Variants in PRKCA observed in about 807,000 individuals in gnomAD.
PRKCA encodes protein kinase C alpha type.
PRKCA carries 27 observed loss-of-function variants against 87.0 expected under a neutral mutation model. The observed-to-expected ratio is 0.31, with a 90% confidence interval of 0.23 to 0.43. The LOEUF is 0.43. PRKCA is among the 20% of genes least tolerant of loss of function. The pLI is 1.00. For missense variants in PRKCA, 518 were observed against 852.3 expected, an observed-to-expected ratio of 0.61 and a Z score of 4.88; for synonymous variants, 329 against 311.1, an observed-to-expected ratio of 1.06 and a Z score of -0.61.
chr17:66,528,631 G>A (rs1967432222), intron 3 of PRKCA, among the ~76,000 whole-genome samples: 1 of 152,148 alleles, frequency 6.6e-6, no homozygotes, highest in African/African-American at 2.4e-5. Context: ...AACTCTGCGA[G>A]CACCTCCATT....
chr17:66,661,615 GA>G lies in PRKCA; in HGVS notation c.529+16111del, dbSNP rs2093880035. Reference sequence around the variant, plus strand: ...GTCTCCAAAAACAGCCAAGGGTAAAGAAAAAAACTTGATTGAGTGACATTTG... The same window carrying G: ...GTCTCCAAAAACAGCCAAGGGTAAAGAAAAAACTTGATTGAGTGACATTTG... On this transcript the variant is annotated intron_variant, in intron 5 of 16. Coordinates refer to ENST00000413366, the MANE Select transcript of PRKCA (RefSeq NM_002737.3). Among the ~76,000 whole-genome samples the G allele has an allele frequency of 3.9e-5, 6 of 152,284 alleles. No homozygotes were observed. The South Asian group carries it at 1.2e-3, about 32-fold the overall frequency.
chr17:66,315,751 A>G (rs1905283593), intron 2 of PRKCA, among the ~76,000 whole-genome samples: 1 of 152,136 alleles, frequency 6.6e-6, no homozygotes, highest in South Asian at 2.1e-4. Flanking sequence ...AAGTGCTGGG[A>G]TTACAGGCAT....
intron 2 of PRKCA, among the ~76,000 whole-genome samples, chr17:66,458,833 G>C (rs1667118010): frequency 6.6e-6 from 1 of 152,058 alleles, no homozygotes; most frequent in Admixed American, 6.6e-5. Context: ...TACACATTTG[G>C]TTACCGACCT....
At chr17:66,628,587 A>G (rs1970923040) in intron 3 of PRKCA, among the ~76,000 whole-genome samples, 1 of 152,166 alleles carries the variant, frequency 6.6e-6, no homozygotes, top group Non-Finnish European at 1.5e-5. Flanking sequence ...CTAATTTTTT[A>G]CAGCAAGTAT....
chr17:66,797,272 A>C (rs73994628), intron 16 of PRKCA, among the ~76,000 whole-genome samples: 6,460 of 152,276 alleles, frequency 0.042, 478 homozygotes, highest in African/African-American at 0.15. Flanking sequence ...GGCACACTGC[A>C]ATCCCAGATT....
At chr17:66,566,471 TGTTTTTTG>T (rs1236919357) in intron 3 of PRKCA, among the ~76,000 whole-genome samples, 24 of 138,600 alleles carry the variant, frequency 1.7e-4, no homozygotes, top group Middle Eastern at 3.5e-3. Context: ...GAACTGTTGT[TGTTTTTTG>T]GTTTTTTTTT....
intron 2 of PRKCA, among the ~76,000 whole-genome samples, chr17:66,486,177 C>T (rs1246057237): frequency 2.6e-5 from 4 of 152,130 alleles, no homozygotes; most frequent in Non-Finnish European, 5.9e-5. Flanking sequence ...CGTGATTTGT[C>T]ATATACTTAT....
rs1398344087 is a variant in PRKCA at position 66,742,727 on chromosome 17, C to T, written c.1491C>T (p.Thr497=). ...TGATGGATGGAGTCACGACCAGGACCTTCTGTGGGACTCCAGATTATATCG... is the reference window on the plus strand; with the variant it reads ...TGATGGATGGAGTCACGACCAGGACTTTCTGTGGGACTCCAGATTATATCG... ...EHMMDGVTTR[T]FCGTPDYIAP... The change falls in exon 13 of 17, where the codon ACC becomes ACT. Residue 497 remains threonine (T), a synonymous_variant. Coordinates refer to ENST00000413366, the MANE Select transcript of PRKCA (RefSeq NM_002737.3). The T allele has an allele frequency of 1.9e-6, 3 of 1,614,016 alleles. No individual in the cohort carries two copies. In the East Asian group the frequency reaches 6.7e-5, roughly 36 times the overall value.
chr17:66,406,413 A>G (rs986481392), intron 2 of PRKCA, among the ~76,000 whole-genome samples: 34 of 152,130 alleles, frequency 2.2e-4, no homozygotes, highest in Non-Finnish European at 1.2e-4. Flanking sequence ...CAAAAGGCTT[A>G]TCTGGATCAC....
intron 8 of PRKCA, among the ~76,000 whole-genome samples, chr17:66,705,757 T>C (rs1377922798): frequency 6.6e-6 from 1 of 152,174 alleles, no homozygotes; most frequent in African/African-American, 2.4e-5. Flanking sequence ...ACAGAGCCGA[T>C]GTCCACTGGC....
intron 5 of PRKCA, among the ~76,000 whole-genome samples, chr17:66,686,108 A>G (rs558290459): frequency 1.3e-5 from 2 of 152,330 alleles, no homozygotes; most frequent in African/African-American, 2.4e-5. Context: ...GGCATTTGAG[A>G]TAGGAGACTC....
At chr17:66,802,941 C>G (rs1372344540) in intron 16 of PRKCA, among the ~76,000 whole-genome samples, 1 of 152,214 alleles carries the variant, frequency 6.6e-6, no homozygotes, top group Non-Finnish European at 1.5e-5. Flanking sequence ...GTGAAACTCC[C>G]AGCTCTTCCT....
intron 3 of PRKCA, among the ~76,000 whole-genome samples, chr17:66,582,887 G>A (rs957987804): frequency 5.3e-5 from 8 of 152,098 alleles, no homozygotes; most frequent in Non-Finnish European, 5.9e-5. Context: ...TGTGAGCCCC[G>A]TGTGACCTAG....
At chr17:66,534,308 G>A (rs1369125713) in intron 3 of PRKCA, among the ~76,000 whole-genome samples, 1 of 152,108 alleles carries the variant, frequency 6.6e-6, no homozygotes, top group Non-Finnish European at 1.5e-5. Context: ...TTTCATATCT[G>A]ATGAAGGTCG....
At chr17:66,786,806 C>T (rs1398362028) in intron 14 of PRKCA, 61 bp from the exon 15 acceptor site, 1 of 1,394,074 alleles carries the variant, frequency 7.2e-7, no homozygotes, top group Non-Finnish European at 1.0e-6. Flanking sequence ...GCTCTTCAGG[C>T]ACCATGTGAA....
intron 3 of PRKCA, among the ~76,000 whole-genome samples, chr17:66,564,703 C>T (rs900009754): frequency 1.3e-5 from 2 of 152,076 alleles, no homozygotes; most frequent in Admixed American, 6.6e-5. Flanking sequence ...CAGTGCCAGC[C>T]GGGTGCAGTG....
chr17:66,709,307 T>A (rs1283943972), intron 8 of PRKCA, among the ~76,000 whole-genome samples: 1 of 95,412 alleles, frequency 1.0e-5, no homozygotes, highest in South Asian at 3.2e-4. Context: ...ATTTCTTTTT[T>A]TTTTTTTTTT....
intron 5 of PRKCA, among the ~76,000 whole-genome samples, chr17:66,656,019 A>G (rs574754196): frequency 6.6e-6 from 1 of 152,168 alleles, no homozygotes; most frequent in African/African-American, 2.4e-5. Context: ...GCAGCATGCC[A>G]TCCCACAGAT....
At chr17:66,377,364 C>G (rs1015149926) in intron 2 of PRKCA, among the ~76,000 whole-genome samples, 1 of 151,818 alleles carries the variant, frequency 6.6e-6, no homozygotes, top group African/African-American at 2.4e-5. Flanking sequence ...AATCCCCTTA[C>G]TCTCTTGGCC....
Sources: gnomAD v4.1 joint callset for allele counts (sites outside exome capture counted in the v4.1 genomes callset) on GRCh38, gnomAD v4.1.1 for gene constraint, MANE v1.5 for transcripts, NCBI Gene and HGNC (gene_info 2026-07-23, HGNC 2026-07-21) for gene names.